Variants in RAB3C observed in about 807,000 individuals in gnomAD.
RAB3C encodes RAB3C, member RAS oncogene family.
A neutral mutation model predicts 26.4 loss-of-function variants in RAB3C; 17 were observed. The observed-to-expected ratio is 0.64, with a 90% CI of 0.44 to 0.97. RAB3C has a LOEUF of 0.97. Ranked by LOEUF, RAB3C falls within the 50% of genes least tolerant of loss-of-function variation. The probability of loss-of-function intolerance (pLI) is 0.00; values close to 1 mark genes in which losing one functional copy is unlikely to be tolerated. For missense variants in RAB3C, 242 were observed against 281.9 expected, an observed-to-expected ratio of 0.86 and a Z score of 1.01; for synonymous variants, 91 against 95.9, an observed-to-expected ratio of 0.95 and a Z score of 0.30.
At chr5:58,611,744 T>G (rs1746706335) in intron 1 of RAB3C, among the ~76,000 whole-genome samples, 1 of 152,100 alleles carries the variant, frequency 6.6e-6, no homozygotes, top group African/African-American at 2.4e-5. Context: ...AATTAGAACC[T>G]ATTTGCCAAT....
intron 2 of RAB3C, among the ~76,000 whole-genome samples, chr5:58,707,295 A>G (rs1215833030): frequency 6.6e-6 from 1 of 152,240 alleles, no homozygotes; most frequent in East Asian, 1.9e-4. Flanking sequence ...CTATAGAGAT[A>G]TAATAAACCC....
At chr5:58,802,026 T>C (rs1476344944) in intron 3 of RAB3C, among the ~76,000 whole-genome samples, 1 of 152,204 alleles carries the variant, frequency 6.6e-6, no homozygotes, top group East Asian at 1.9e-4. Context: ...TACATTGTTC[T>C]TACTGAGGAA....
chr5:58,732,967 A>G (rs1741058795), intron 3 of RAB3C, among the ~76,000 whole-genome samples: 1 of 152,166 alleles, frequency 6.6e-6, no homozygotes, highest in African/African-American at 2.4e-5. Context: ...TATTGTCATC[A>G]TTCAGATTTT....
chr5:58,827,505 A>T (rs1224474181), intron 4 of RAB3C, among the ~76,000 whole-genome samples: 4 of 152,236 alleles, frequency 2.6e-5, no homozygotes, highest in Non-Finnish European at 4.4e-5. Context: ...GGTTGTGAAA[A>T]GGGATGTTAG....
At chr5:58,805,963 C>A (rs1447701772) in intron 3 of RAB3C, among the ~76,000 whole-genome samples, 2 of 152,228 alleles carry the variant, frequency 1.3e-5, no homozygotes, top group South Asian at 2.1e-4. Flanking sequence ...TAGCACCCTT[C>A]TTTTTGTTTT....
chr5:58,752,695 C>A (rs555661915), intron 3 of RAB3C, among the ~76,000 whole-genome samples: 1 of 152,226 alleles, frequency 6.6e-6, no homozygotes, highest in African/African-American at 2.4e-5. Flanking sequence ...ATAGATATTG[C>A]AACTTTGGGG....
intron 2 of RAB3C, among the ~76,000 whole-genome samples, chr5:58,663,287 G>A (rs1297495906): frequency 6.7e-6 from 1 of 149,684 alleles, no homozygotes; most frequent in East Asian, 1.9e-4. Flanking sequence ...TATATGTAAA[G>A]ATAAGGCTTT....
chr5:58,789,755 A>G (rs1291839782), intron 3 of RAB3C, among the ~76,000 whole-genome samples: 2 of 152,232 alleles, frequency 1.3e-5, no homozygotes, highest in Non-Finnish European at 2.9e-5. Flanking sequence ...GAACATACAA[A>G]TAAAACCATT....
In RAB3C at chr5:58,856,961, A is replaced by C. The variant is rs1156067; in HGVS notation, c.*5610A>C. The C allele has an allele frequency of 7.9e-5, 12 of 151,984 alleles. No individual in the cohort carries two copies. Among genetic ancestry groups the C allele is most frequent in the Non-Finnish European group, 1.2e-4 (8 of 67,994 alleles). The allele number at this position is 151,984 out of a possible 1,614,324, so 9.4% of individuals were successfully genotyped here. ...ATGTCAGACGTGATGTGATACCGTTAGACTGTCCAAATGTACAACAATTTA... is the reference window on the plus strand; with the variant it reads ...ATGTCAGACGTGATGTGATACCGTTCGACTGTCCAAATGTACAACAATTTA... On this transcript the variant is annotated 3_prime_UTR_variant, in exon 5 of 5. Transcript: ENST00000282878.
At chr5:58,819,487 C>T (rs891739865) in intron 3 of RAB3C, among the ~76,000 whole-genome samples, 24 of 152,106 alleles carry the variant, frequency 1.6e-4, no homozygotes, top group African/African-American at 5.1e-4. Flanking sequence ...AGGAATACTC[C>T]GAGCTCTTAT....
rs553675326 is a variant in RAB3C, at chr5:58,687,796, A to G, written c.253-38206A>G. Among the ~76,000 whole-genome samples the G allele has an allele frequency of 2.7e-4, 41 of 152,238 alleles. No individual in the cohort carries two copies. The East Asian group carries it at 7.1e-3, about 27-fold the overall frequency. On this transcript the variant is annotated intron_variant, in intron 2 of 4. Transcript: ENST00000282878. ...ATATACTAAAGAAATAATATGACTC[A>G]GCATTTAGATACACTAGTATCCTTT... is the stretch of plus-strand genomic sequence containing the variant.
rs528300552 is a variant in RAB3C, at chr5:58,820,070, A to G, written c.372-4968A>G. On this transcript the variant is annotated intron_variant, in intron 3 of 4. Transcript: ENST00000282878. ...AAGAGGTATAAATTTCATTTTAGTG[A>G]CATGAATACTCATTTTGGAGTAATG... Among the ~76,000 whole-genome samples the G allele has an allele frequency of 5.9e-5, 9 of 152,300 alleles. No individual in the cohort carries two copies. In the East Asian group the frequency reaches 1.7e-3, roughly 29 times the overall value.
At chr5:58,726,326 T>C (rs1260752761) in intron 3 of RAB3C, among the ~76,000 whole-genome samples, 1 of 152,028 alleles carries the variant, frequency 6.6e-6, no homozygotes, top group Non-Finnish European at 1.5e-5. Context: ...TGATGATTTT[T>C]CTGCATTTTG....
intron 2 of RAB3C, among the ~76,000 whole-genome samples, chr5:58,714,207 G>C (rs779483339): frequency 6.6e-6 from 1 of 152,088 alleles, no homozygotes; most frequent in Non-Finnish European, 1.5e-5. Flanking sequence ...AGTATGGATG[G>C]TGATGGAAGT....
intron 1 of RAB3C, among the ~76,000 whole-genome samples, chr5:58,613,418 G>A (rs1746755747): frequency 6.6e-6 from 1 of 152,072 alleles, no homozygotes; most frequent in Non-Finnish European, 1.5e-5. Context: ...TTTTGATGAG[G>A]GCCTTAGATG....
intron 1 of RAB3C, among the ~76,000 whole-genome samples, chr5:58,590,188 C>T (rs370621527): frequency 1.1e-4 from 16 of 152,272 alleles, no homozygotes; most frequent in African/African-American, 3.6e-4. Context: ...TTTTCTATTT[C>T]ATTGTGAGTC....
chr5:58,598,725 A>G (rs1280490281), intron 1 of RAB3C, among the ~76,000 whole-genome samples: 1 of 152,136 alleles, frequency 6.6e-6, no homozygotes, highest in Non-Finnish European at 1.5e-5. Context: ...ATATTGATAA[A>G]TACTTTTTGT....
At chr5:58,688,971 C>T (rs549798551) in intron 2 of RAB3C, among the ~76,000 whole-genome samples, 4 of 152,184 alleles carry the variant, frequency 2.6e-5, no homozygotes, top group Non-Finnish European at 5.9e-5. Context: ...CTAGAAATAG[C>T]TGACATTTGT....
intron 3 of RAB3C, among the ~76,000 whole-genome samples, chr5:58,800,307 G>A (rs1742774492): frequency 6.6e-6 from 1 of 152,176 alleles, no homozygotes; most frequent in South Asian, 2.1e-4. Flanking sequence ...TTTATAAATT[G>A]CTGACAACAG....
Sources: gnomAD v4.1 joint callset for allele counts (sites outside exome capture counted in the v4.1 genomes callset) on GRCh38, gnomAD v4.1.1 for gene constraint, MANE v1.5 for transcripts, NCBI Gene and HGNC (gene_info 2026-07-23, HGNC 2026-07-21) for gene names.